The following CCDC9 variants were observed in gnomAD, a reference collection of about 807,000 sequenced individuals.
CCDC9 encodes coiled-coil domain-containing protein 9.
Under a neutral mutation model 65.6 loss-of-function variants are expected in CCDC9, and 52 were observed. The observed-to-expected ratio is 0.79, with a 90% CI of 0.63 to 1.00. The LOEUF is 1.00. Among genes scored for constraint, CCDC9 ranks in the 50% least tolerant of loss-of-function variants. The pLI is 0.00. For synonymous variants in CCDC9, 332 were observed against 280.3 expected (o/e 1.18, Z -1.84); for missense variants, 834 against 757.2 (o/e 1.10, Z -1.19).
rs760353467 is a variant in CCDC9 at position 47,258,650 on chromosome 19, T to A, written c.95T>A (p.Ile32Asn). The change falls in exon 3 of 12, where the codon ATC (isoleucine) becomes AAC (asparagine). Residue 32 changes from isoleucine (I) to asparagine (N), a missense_variant. Ile to Asn is a moderately radical substitution (Grantham distance 149). Coordinates refer to ENST00000221922, the MANE Select transcript of CCDC9 (RefSeq NM_015603.3). ...EALRRKNEALIRRYQEIEEDR... is the reference protein window; with the variant it reads ...EALRRKNEALNRRYQEIEEDR... ...CTTCGGCGGAAGAATGAGGCCCTCATCCGGCGCTACCAGGTGCCCTAGCCC... is the reference window on the plus strand; with the variant it reads ...CTTCGGCGGAAGAATGAGGCCCTCAACCGGCGCTACCAGGTGCCCTAGCCC... 3.5e-5 allele frequency: 56 copies of A among 1,613,844 alleles called. No individual in the cohort carries two copies. The highest frequency in any genetic ancestry group is 3.4e-6 in the Non-Finnish European group (4 of 1,179,826).
At chr19:47,267,004 G>A (rs950337084) in intron 8 of CCDC9, among the ~76,000 whole-genome samples, 20 of 151,640 alleles carry the variant, frequency 1.3e-4, no homozygotes, top group African/African-American at 3.2e-4. Context: ...TCGCTCTGTC[G>A]CCCAGGCTGG....
At chr19:47,270,811 A>C in intron 10 of CCDC9, 123 bp downstream of exon 10, 1 of 1,173,880 alleles carries the variant, frequency 8.5e-7, no homozygotes, top group African/African-American at 1.5e-5. Flanking sequence ...GGCCCTGTCT[A>C]TCTCGCAGGT....
intron 5 of CCDC9, 99 bp from the exon 6 acceptor site, chr19:47,264,504 C>G (rs943440775): frequency 1.1e-4 from 123 of 1,145,462 alleles, no homozygotes; most frequent in Non-Finnish European, 1.5e-4. Context: ...CAGGCCAGTC[C>G]GAGGAGAGGA....
downstream of CCDC9, chr19:47,275,516 C>T (rs2059154621): frequency 4.3e-6 from 4 of 925,716 alleles, no homozygotes; most frequent in Non-Finnish European, 6.3e-6. Context: ...AGCTCGGGGC[C>T]TTGCCTCTTG....
At chr19:47,275,186 C>A, downstream of CCDC9, 1 of 1,477,012 alleles carries the variant, frequency 6.8e-7, no homozygotes, top group Non-Finnish European at 8.9e-7. Context: ...CGGCGCCCGC[C>A]GCTGCCTCCC....
At chr19:47,261,563 T>A (rs1442368011) in intron 5 of CCDC9, among the ~76,000 whole-genome samples, 1 of 151,844 alleles carries the variant, frequency 6.6e-6, no homozygotes, top group South Asian at 2.1e-4. Flanking sequence ...AATTCAAAAA[T>A]TAGCTGGACG....
intron 7 of CCDC9, among the ~76,000 whole-genome samples, chr19:47,265,573 C>T (rs35987859): frequency 0.021 from 3,197 of 152,178 alleles, 52 homozygotes; most frequent in Non-Finnish European, 0.033. Flanking sequence ...GTCAGTACCA[C>T]GTGGCTCTAG....
At chr19:47,263,755 G>C (rs1035137468) in intron 5 of CCDC9, among the ~76,000 whole-genome samples, 1 of 151,544 alleles carries the variant, frequency 6.6e-6, no homozygotes, top group Non-Finnish European at 1.5e-5. Flanking sequence ...TAGTAGAGAC[G>C]GGGTTTCACC....
At chr19:47,267,154 CAG>C (rs1463627535) in intron 8 of CCDC9, among the ~76,000 whole-genome samples, 1 of 152,074 alleles carries the variant, frequency 6.6e-6, no homozygotes, top group Admixed American at 6.6e-5. Context: ...TTAGTAGAGA[CAG>C]GGTTTCACCG....
At chr19:47,270,843 A>T (rs975114562) in intron 10 of CCDC9, among the ~76,000 whole-genome samples, 155 bp downstream of exon 10, 1 of 151,806 alleles carries the variant, frequency 6.6e-6, no homozygotes, top group Non-Finnish European at 1.5e-5. Context: ...GGGGCTTGGG[A>T]TCTGGCTCTT....
intron 3 of CCDC9, among the ~76,000 whole-genome samples, chr19:47,259,463 G>A (rs950735839): frequency 3.3e-5 from 5 of 152,064 alleles, no homozygotes; most frequent in African/African-American, 9.7e-5. Flanking sequence ...AACCCTAGTG[G>A]GAGAGGAGGT....
At chr19:47,274,356 G>A (rs964471559), downstream of CCDC9, 2 of 152,184 alleles carry the variant, frequency 1.3e-5, no homozygotes, top group African/African-American at 4.9e-5. Context: ...CCATGGGCAT[G>A]GGGCGGGGCC....
chr19:47,258,333 C>T lies in CCDC9; in HGVS notation c.-68C>T. The T allele has an allele frequency of 3.8e-6, 6 of 1,570,076 alleles. No individual in the cohort carries two copies. In the East Asian group the frequency reaches 9.0e-5, roughly 23 times the overall value. ...CTTTTTTTCCCTCTGTCCCCAGGAA[C>T]CCTCAGTGCTGCGTCTAGATTCTGC... On this transcript the variant is annotated 5_prime_UTR_variant, in exon 2 of 12. Coordinates refer to ENST00000221922, the MANE Select transcript of CCDC9 (RefSeq NM_015603.3).
Position 47,264,675 on chromosome 19 carries a change from C to G in CCDC9, c.535C>G (p.Arg179Gly), listed in dbSNP as rs772258987. 1 of 1,604,692 alleles carries G rather than the reference C, an allele frequency of 6.2e-7. No homozygotes were observed. The highest frequency in any genetic ancestry group is 8.5e-7 in the Non-Finnish European group (1 of 1,175,806). The change falls in exon 6 of 12, where the codon CGC becomes GGC. Residue 179 changes from arginine (R) to glycine (G), a missense_variant. Arg to Gly is a moderately radical substitution (Grantham distance 125, BLOSUM62 -2). Transcript: ENST00000221922. ...EEMEKIAEYE[R>G]NQREGVLEPN... Reference sequence around the variant, plus strand: ...GATGGAGAAGATCGCCGAGTATGAGCGCAACCAGCGGGTCAGTGGTGCGGG... The same window carrying G: ...GATGGAGAAGATCGCCGAGTATGAGGGCAACCAGCGGGTCAGTGGTGCGGG...
chr19:47,275,064 G>C (rs1436711975), downstream of CCDC9: 2 of 1,495,032 alleles, frequency 1.3e-6, no homozygotes, highest in Admixed American at 2.2e-5. Flanking sequence ...GCTGCTCGCC[G>C]TGTACTACGG....
At position 47,271,484 on chromosome 19, in the gene CCDC9, G is replaced by A. The variant is rs766816582; in HGVS notation, c.1402G>A (p.Gly468Arg). 12 of 1,613,138 alleles carry A rather than the reference G, an allele frequency of 7.4e-6. No homozygotes were observed. The highest frequency in any genetic ancestry group is 4.0e-5 in the African/African-American group (3 of 74,860). The change falls in exon 12 of 12, where the codon GGA becomes AGA. Residue 468 changes from glycine (G) to arginine (R), a missense_variant. Transcript: ENST00000221922. ...GATCCCCTGCAGTGAGCAGGCCCACGGAGTCCCCTTCAGTCCGGAGGAGCC... is the reference window on the plus strand; with the variant it reads ...GATCCCCTGCAGTGAGCAGGCCCACAGAGTCCCCTTCAGTCCGGAGGAGCC... The part of the protein sequence containing the change: ...TGIPCSEQAH[G>R]VPFSPEEPLL...
At chr19:47,275,405 C>T (rs2059153384), downstream of CCDC9, 5 of 1,506,706 alleles carry the variant, frequency 3.3e-6, no homozygotes, top group African/African-American at 1.4e-5. Flanking sequence ...TGCTCCACGC[C>T]GAGGATGCAC....
chr19:47,268,330 T>G (rs1369952313), intron 8 of CCDC9, among the ~76,000 whole-genome samples: 2 of 152,144 alleles, frequency 1.3e-5, no homozygotes, highest in Non-Finnish European at 2.9e-5. Flanking sequence ...AACTTTAGGT[T>G]TTACCTCATC....
intron 7 of CCDC9, 77 bp downstream of exon 7, chr19:47,265,023 A>G: frequency 8.1e-7 from 1 of 1,236,288 alleles, no homozygotes. Context: ...CAGACAGATC[A>G]GGGCCATGGG....
Sources: allele counts gnomAD v4.1 joint callset (sites outside exome capture counted in the v4.1 genomes callset), GRCh38; gene constraint gnomAD v4.1.1; transcripts MANE v1.5; gene names NCBI Gene and HGNC (gene_info 2026-07-23, HGNC 2026-07-21).